The following MACROH2A2 variants were observed in gnomAD, a reference collection of about 807,000 sequenced individuals.
MACROH2A2 encodes macroH2A.2 histone.
MACROH2A2 carries 6 observed loss-of-function variants against 37.6 expected under a neutral mutation model. The ratio of observed to expected loss-of-function variants is 0.16; its 90% CI spans 0.09 to 0.32. The LOEUF (loss-of-function observed/expected upper bound fraction) is 0.32. MACROH2A2 is among the 10% of genes least tolerant of loss of function. MACROH2A2 has a pLI of 1.00. For synonymous variants in MACROH2A2, 192 were observed against 202.7 expected, an observed-to-expected ratio of 0.95 and a Z score of 0.45; for missense variants, 290 against 485.9, an observed-to-expected ratio of 0.60 and a Z score of 3.79.
intron 1 of MACROH2A2, among the ~76,000 whole-genome samples, chr10:70,062,715 C>G (rs1459069473): frequency 6.6e-6 from 1 of 152,206 alleles, no homozygotes; most frequent in Non-Finnish European, 1.5e-5. Context: ...CCTCAAATTA[C>G]TGACTGCTGT....
intron 8 of MACROH2A2, 41 bp from the exon 9 acceptor site, chr10:70,111,477 G>A (rs760325124): frequency 1.3e-6 from 2 of 1,596,014 alleles, no homozygotes; most frequent in Non-Finnish European, 1.7e-6. Context: ...ATGGGTCCCA[G>A]GGACCAAAAT....
At chr10:70,084,096 A>T (rs1265150673) in intron 2 of MACROH2A2, among the ~76,000 whole-genome samples, 1 of 152,208 alleles carries the variant, frequency 6.6e-6, no homozygotes, top group Non-Finnish European at 1.5e-5. Context: ...ATTTCAGGAC[A>T]TCCCATGAAA....
chr10:70,057,513 A>G (rs1170875608), intron 1 of MACROH2A2, among the ~76,000 whole-genome samples: 1 of 152,220 alleles, frequency 6.6e-6, no homozygotes, highest in Non-Finnish European at 1.5e-5. Flanking sequence ...GGGATCTGAA[A>G]GTGCCCAGCC....
intron 1 of MACROH2A2, among the ~76,000 whole-genome samples, chr10:70,067,715 C>T (rs2072086785): frequency 6.6e-6 from 1 of 151,994 alleles, no homozygotes; most frequent in Non-Finnish European, 1.5e-5. Context: ...AGGAGAGGAC[C>T]AGGGAAAGAT....
chr10:70,109,452 C>G (rs549449619), intron 8 of MACROH2A2, among the ~76,000 whole-genome samples: 2 of 152,190 alleles, frequency 1.3e-5, no homozygotes, highest in Non-Finnish European at 2.9e-5. Flanking sequence ...ATGTTAAAGC[C>G]CCAGGAGGAA....
intron 4 of MACROH2A2, 71 bp downstream of exon 4, chr10:70,092,025 A>C (rs1474081470): frequency 8.0e-7 from 1 of 1,248,574 alleles, no homozygotes; most frequent in Non-Finnish European, 1.1e-6. Flanking sequence ...GTTCCCCCAC[A>C]ATTCATATGT....
chr10:70,086,145 G>T (rs2072209731), intron 2 of MACROH2A2, among the ~76,000 whole-genome samples: 1 of 152,068 alleles, frequency 6.6e-6, no homozygotes, highest in Non-Finnish European at 1.5e-5. Context: ...TTATAGGCAT[G>T]AGCCCTGTGC....
At chr10:70,095,611 ATTT>A in intron 5 of MACROH2A2, 40 bp from the exon 6 acceptor site, 1 of 926,472 alleles carries the variant, frequency 1.1e-6, no homozygotes, top group African/African-American at 1.6e-5. Flanking sequence ...TTTCAACAGA[ATTT>A]TATCTTTTCC....
chr10:70,085,014 T>C (rs1404916361), intron 2 of MACROH2A2, among the ~76,000 whole-genome samples: 2 of 152,134 alleles, frequency 1.3e-5, no homozygotes, highest in African/African-American at 2.4e-5. Flanking sequence ...AATACAATTA[T>C]CTGGGCTGGA....
intron 2 of MACROH2A2, among the ~76,000 whole-genome samples, chr10:70,081,068 C>CAAAAAAAA (rs34688764): frequency 6.5e-5 from 3 of 45,832 alleles, no homozygotes; most frequent in African/African-American, 2.7e-4. Flanking sequence ...CCCTGTCTCT[C>CAAAAAAAA]AAAAAAAAAA....
At chr10:70,076,781 C>A (rs1477454931) in intron 2 of MACROH2A2, among the ~76,000 whole-genome samples, 1 of 152,116 alleles carries the variant, frequency 6.6e-6, no homozygotes, top group Non-Finnish European at 1.5e-5. Context: ...GCATGAAATC[C>A]TCTGGGCTGT....
intron 2 of MACROH2A2, among the ~76,000 whole-genome samples, chr10:70,080,450 A>G (rs1195462973): frequency 6.6e-6 from 1 of 152,094 alleles, no homozygotes; most frequent in Non-Finnish European, 1.5e-5. Flanking sequence ...AAGATGTCCA[A>G]GAGGGCTGGG....
intron 6 of MACROH2A2, chr10:70,098,346 GAGAA>G (rs1273421510): frequency 2.1e-4 from 29 of 138,764 alleles, no homozygotes; most frequent in African/African-American, 4.0e-4. Context: ...GAGAGAGAGA[GAGAA>G]AGGAAGGAAG....
At chr10:70,056,780 T>C (rs753181344) in intron 1 of MACROH2A2, among the ~76,000 whole-genome samples, 4 of 152,198 alleles carry the variant, frequency 2.6e-5, no homozygotes, top group Middle Eastern at 3.2e-3. Context: ...AGTCCTGGCC[T>C]GGCCTACCCT....
chr10:70,060,320 A>G (rs1388996327), intron 1 of MACROH2A2, among the ~76,000 whole-genome samples: 3 of 152,056 alleles, frequency 2.0e-5, no homozygotes, highest in Non-Finnish European at 2.9e-5. Context: ...CAGTGAGCCA[A>G]GATTGCACCA....
At chr10:70,063,683 A>T (rs898737496) in intron 1 of MACROH2A2, among the ~76,000 whole-genome samples, 2 of 152,224 alleles carry the variant, frequency 1.3e-5, no homozygotes, top group African/African-American at 4.8e-5. Context: ...GTTCAAAATG[A>T]TGGACTGAGC....
At chr10:70,081,802 G>A (rs1021535421) in intron 2 of MACROH2A2, among the ~76,000 whole-genome samples, 1 of 152,132 alleles carries the variant, frequency 6.6e-6, no homozygotes, top group African/African-American at 2.4e-5. Context: ...GCAGCCTATA[G>A]TAAAAATAAT....
At chr10:70,090,838 A>G (rs944121964) in intron 3 of MACROH2A2, among the ~76,000 whole-genome samples, 4 of 152,240 alleles carry the variant, frequency 2.6e-5, no homozygotes, top group African/African-American at 9.6e-5. Context: ...TTGCTGTGAA[A>G]GTTTCTAGAT....
intron 8 of MACROH2A2, 47 bp from the exon 9 acceptor site, chr10:70,111,471 G>T (rs532768687): frequency 1.0e-5 from 16 of 1,575,942 alleles, no homozygotes; most frequent in Admixed American, 1.7e-5. Context: ...GCTCCCATGG[G>T]TCCCAGGGAC....
Sources: allele counts gnomAD v4.1 joint callset (sites outside exome capture counted in the v4.1 genomes callset), GRCh38; gene constraint gnomAD v4.1.1; transcripts MANE v1.5; gene names NCBI Gene and HGNC (gene_info 2026-07-23, HGNC 2026-07-21).